Variants in TANC1 observed in about 807,000 individuals in gnomAD.
TANC1 encodes the protein protein TANC1.
Under a neutral mutation model 149.7 loss-of-function variants are expected in TANC1, and 77 were observed. The ratio of observed to expected loss-of-function variants is 0.51; its 90% CI spans 0.43 to 0.62. The LOEUF (loss-of-function observed/expected upper bound fraction) is 0.62, where lower values mean the gene tolerates loss of function less well. Ranked by LOEUF, TANC1 falls within the 20% of genes least tolerant of loss-of-function variation. The pLI is 0.00. For missense variants in TANC1, 1,985 were observed against 2,321.8 expected, an observed-to-expected ratio of 0.85 and a Z score of 2.98; for synonymous variants, 854 against 925.0, an observed-to-expected ratio of 0.92 and a Z score of 1.39.
chr2:158,986,584 G>A (rs76512834), intron 1 of TANC1, among the ~76,000 whole-genome samples: 3,037 of 152,198 alleles, frequency 0.02, 62 homozygotes, highest in Non-Finnish European at 0.034. Flanking sequence ...GTGGGTTTTG[G>A]GGATCTGCAC....
chr2:159,228,020 A>G, intron 25 of TANC1, 55 bp downstream of exon 25: 1 of 1,581,434 alleles, frequency 6.3e-7, no homozygotes, highest in Non-Finnish European at 8.6e-7. Context: ...GCCCTTCTCC[A>G]GCAGTGAAGG....
At chr2:159,198,222 C>T (rs765771771) in intron 18 of TANC1, among the ~76,000 whole-genome samples, 5 of 152,154 alleles carry the variant, frequency 3.3e-5, no homozygotes, top group Admixed American at 2.6e-4. Context: ...TTGAGATAAT[C>T]GCCCCATTTC....
intron 2 of TANC1, among the ~76,000 whole-genome samples, chr2:159,059,760 G>A: frequency 6.6e-6 from 1 of 151,880 alleles, no homozygotes; most frequent in Non-Finnish European, 1.5e-5. Context: ...ATCAAGGGCT[G>A]GTTTTTCCCA....
chr2:159,214,995 T>G (rs1292518026), intron 19 of TANC1, among the ~76,000 whole-genome samples: 1 of 152,056 alleles, frequency 6.6e-6, no homozygotes, highest in Non-Finnish European at 1.5e-5. Context: ...CCATGTAAAC[T>G]CTTATGAGGG....
intron 2 of TANC1, among the ~76,000 whole-genome samples, chr2:159,035,035 G>A (rs958315539): frequency 2.6e-5 from 4 of 152,212 alleles, no homozygotes; most frequent in Admixed American, 2.6e-4. Context: ...ACATACAGTA[G>A]CCTTTGTCTT....
intron 14 of TANC1, among the ~76,000 whole-genome samples, chr2:159,180,877 T>C (rs1332508540): frequency 6.6e-6 from 1 of 152,120 alleles, no homozygotes; most frequent in Admixed American, 6.5e-5. Context: ...GGAGGTGATA[T>C]GCGAGAGGGA....
intron 7 of TANC1, chr2:159,150,777 T>TAAA: frequency 2.8e-6 from 1 of 362,192 alleles, no homozygotes. Context: ...GCTCATTTGT[T>TAAA]AAAAAAAAAA....
chr2:158,976,742 G>A (rs1248092437), intron 1 of TANC1, among the ~76,000 whole-genome samples: 7 of 152,148 alleles, frequency 4.6e-5, no homozygotes, highest in African/African-American at 1.7e-4. Flanking sequence ...TTAGCCAGGT[G>A]TGGTAGTGTA....
intron 7 of TANC1, among the ~76,000 whole-genome samples, chr2:159,156,983 A>G (rs1413969576): frequency 2.0e-5 from 3 of 152,240 alleles, no homozygotes; most frequent in Non-Finnish European, 2.9e-5. Flanking sequence ...GCTGCATGTC[A>G]TAGCAGAGCA....
Position 159,086,125 on chromosome 2 carries a change from T to C in TANC1, c.62-11512T>C, listed in dbSNP as rs151244084. ...TGACAGGTGCAGCATGGTGGTCCAC[T>C]ACTGTTGTCATTTCTCATGTCACCT... On this transcript the variant is annotated intron_variant, in intron 3 of 26. Coordinates refer to ENST00000263635, the MANE Select transcript of TANC1 (RefSeq NM_033394.3). Among the ~76,000 whole-genome samples, 37 of 152,250 alleles carry C rather than the reference T, an allele frequency of 2.4e-4. No homozygotes were observed. In the East Asian group the frequency reaches 4.8e-3, roughly 20 times the overall value.
intron 1 of TANC1, among the ~76,000 whole-genome samples, chr2:158,997,750 T>C (rs1184251005): frequency 6.6e-6 from 1 of 152,204 alleles, no homozygotes; most frequent in Non-Finnish European, 1.5e-5. Context: ...TAAATATACC[T>C]GCACATAACT....
chr2:158,982,653 G>A (rs2034512395), intron 1 of TANC1, among the ~76,000 whole-genome samples: 1 of 152,192 alleles, frequency 6.6e-6, no homozygotes, highest in African/African-American at 2.4e-5. Flanking sequence ...TGTTGCCCAG[G>A]CTGAAGTGCA....
intron 4 of TANC1, among the ~76,000 whole-genome samples, chr2:159,129,418 G>A (rs1169980142): frequency 6.6e-6 from 1 of 152,198 alleles, no homozygotes; most frequent in Non-Finnish European, 1.5e-5. Flanking sequence ...GGAGATTTAT[G>A]TAAAGGCAGA....
At chr2:158,995,363 G>A (rs1432047883) in intron 1 of TANC1, among the ~76,000 whole-genome samples, 3 of 152,152 alleles carry the variant, frequency 2.0e-5, no homozygotes, top group Admixed American at 1.3e-4. Flanking sequence ...CTGGTAAAAG[G>A]CACTTTTTAT....
At chr2:159,160,534 T>G (rs983509533) in intron 7 of TANC1, among the ~76,000 whole-genome samples, 3 of 152,208 alleles carry the variant, frequency 2.0e-5, no homozygotes, top group East Asian at 1.9e-4. Context: ...ATGTTTGGTG[T>G]TGTTCTTAGG....
chr2:159,014,887 A>G lies in TANC1; in HGVS notation c.-16+13698A>G, dbSNP rs112542134. Among the ~76,000 whole-genome samples the G allele has an allele frequency of 1.6e-4, 25 of 152,302 alleles. 1 individual carries two copies. The highest frequency in any genetic ancestry group is 6.0e-4 in the African/African-American group (25 of 41,578). On this transcript the variant is annotated intron_variant, in intron 2 of 26. Transcript: ENST00000263635. ...TGTGGTCTTGGGCAGCTCCACCCCTATGGCTTTGCAGGGTACAGCCTCCTT... is the reference window on the plus strand; with the variant it reads ...TGTGGTCTTGGGCAGCTCCACCCCTGTGGCTTTGCAGGGTACAGCCTCCTT...
At chr2:159,142,768 G>GA (rs773510804) in intron 5 of TANC1, among the ~76,000 whole-genome samples, 356 of 133,222 alleles carry the variant, frequency 2.7e-3, no homozygotes, top group South Asian at 2.4e-3. Context: ...CACTTCAATA[G>GA]AAAAAAAAAA....
intron 3 of TANC1, among the ~76,000 whole-genome samples, chr2:159,090,663 A>T (rs758786642): frequency 1.3e-5 from 2 of 152,232 alleles, no homozygotes; most frequent in Non-Finnish European, 2.9e-5. Context: ...CCCAAATTCC[A>T]TGCAGATTGA....
At chr2:159,050,906 G>GTT (rs2041416730) in intron 2 of TANC1, among the ~76,000 whole-genome samples, 1 of 152,168 alleles carries the variant, frequency 6.6e-6, no homozygotes, top group African/African-American at 2.4e-5. Context: ...GCTTTGTTAG[G>GTT]TTTGTGAGAA....
Sources: gnomAD v4.1 joint callset for allele counts (sites outside exome capture counted in the v4.1 genomes callset) on GRCh38, gnomAD v4.1.1 for gene constraint, MANE v1.5 for transcripts, NCBI Gene and HGNC (gene_info 2026-07-23, HGNC 2026-07-21) for gene names.